Variants in PHF8 observed in about 807,000 individuals in gnomAD.
The protein encoded by PHF8 is histone lysine demethylase PHF8.
In PHF8, 9 loss-of-function variants were observed where a neutral mutation model predicts 74.4. That is an observed-to-expected ratio of 0.12 (90% CI 0.07 to 0.21). The LOEUF (loss-of-function observed/expected upper bound fraction) is 0.21, where lower values mean the gene tolerates loss of function less well. Among genes scored for constraint, PHF8 ranks in the 10% least tolerant of loss-of-function variants. The pLI, the probability that PHF8 is intolerant of heterozygous loss-of-function variation, is 1.00. For synonymous variants in PHF8, 311 were observed against 316.6 expected, an observed-to-expected ratio of 0.98 and a Z score of 0.19; for missense variants, 478 against 816.6, an observed-to-expected ratio of 0.59 and a Z score of 5.05.
At chrX:53,961,395 TC>T (rs1486359544) in intron 19 of PHF8, among the ~76,000 whole-genome samples, 3 of 109,092 alleles carry the variant, frequency 2.7e-5, no homozygotes, top group South Asian at 8.2e-4. Flanking sequence ...TGGTGCAATC[TC>T]AGCTCACTGC....
At chrX:53,959,863 C>CAAAAA (rs782111007) in intron 19 of PHF8, among the ~76,000 whole-genome samples, 1 of 23,103 alleles carries the variant, frequency 4.3e-5, no homozygotes, top group Non-Finnish European at 7.7e-5. Flanking sequence ...GTTTCTGCCT[C>CAAAAA]AAAAAAAAAA....
rs1254114101 is a variant in PHF8, at chrX:53,991,178, A to T, written c.1730+1558T>A. On this transcript the variant is annotated intron_variant, in intron 14 of 21. Transcript: ENST00000338154. ...CGGACTGCCTGATTCCCAAGTCCAT[A>T]ATTTTGTTGTAAACAGCTTTTATTT... 2.7e-5 allele frequency among the ~76,000 whole-genome samples: 3 copies of T among 112,085 alleles called. No individual in the cohort carries two copies. In the Admixed American group the frequency reaches 2.8e-4, roughly 11 times the overall value.
chrX:54,043,729 G>C (rs1254321920), intron 1 of PHF8, 33 bp downstream of exon 1: 1 of 539,279 alleles, frequency 1.9e-6, no homozygotes. Context: ...TCCTAAAACT[G>C]ACAGTAATAG....
At position 53,937,003 on chromosome X, in the gene PHF8, G is replaced by T. The variant is rs1346056729; in HGVS notation, c.*2155C>A. 1.8e-5 allele frequency: 2 copies of T among 110,442 alleles called. No homozygotes were observed. Among genetic ancestry groups the T allele is most frequent in the African/African-American group, 6.6e-5 (2 of 30,190 alleles). 9.1% of individuals were successfully genotyped at this position (110,442 alleles called of 1,213,427 possible). A position where few individuals can be genotyped will look rare whatever the true frequency, so the allele number is the denominator to read the frequency against. On this transcript the variant is annotated 3_prime_UTR_variant, in exon 22 of 22. Coordinates refer to ENST00000338154, the MANE Select transcript of PHF8 (RefSeq NM_015107.3). ...CCCCAGCTAGGGACTGGAGATCAGG[G>T]GTAACTATCTCATGGTGTTCTAAAC...
chrX:53,941,945 C>G (rs932616021), intron 20 of PHF8, among the ~76,000 whole-genome samples: 2 of 111,693 alleles, frequency 1.8e-5, no homozygotes, highest in African/African-American at 6.5e-5. Flanking sequence ...AACTGCTATT[C>G]TAACCATACC....
chrX:53,945,568 G>A (rs2064822450), intron 19 of PHF8, among the ~76,000 whole-genome samples: 1 of 110,433 alleles, frequency 9.1e-6, no homozygotes, highest in Non-Finnish European at 1.9e-5. Context: ...TCCCTGAACT[G>A]GCATTTAAGT....
rs782395103 is a variant in PHF8, at chrX:54,041,299, G to A, written c.98+1332C>T. On this transcript the variant is annotated intron_variant, in intron 2 of 21. Transcript: ENST00000338154. Reference sequence around the variant, plus strand: ...CTCGGGAGGCTGAGGCACGAGAATCGCTTGAACCCGGGAGGCAGAGGTTGC... The same window carrying A: ...CTCGGGAGGCTGAGGCACGAGAATCACTTGAACCCGGGAGGCAGAGGTTGC... Among the ~76,000 whole-genome samples, 6 of 108,200 alleles carry A rather than the reference G, an allele frequency of 5.5e-5. No homozygotes were observed. In the South Asian group the frequency reaches 1.6e-3, roughly 29 times the overall value. 94.0% of individuals were successfully genotyped at this position (108,200 alleles called of 115,157 possible).
intron 8 of PHF8, among the ~76,000 whole-genome samples, chrX:54,006,939 C>CAAAA (rs1219211822): frequency 7.2e-5 from 2 of 27,764 alleles, no homozygotes; most frequent in Admixed American, 9.1e-4. Context: ...AACTTCATCT[C>CAAAA]AAAAAAAAAA....
rs2064693186 is a variant in PHF8, at chrX:53,938,050, G to A, written c.*1108C>T. 1.7e-6 allele frequency: 2 copies of A among 1,164,804 alleles called. No homozygotes were observed. The highest frequency in any genetic ancestry group is 2.3e-6 in the Non-Finnish European group (2 of 871,767). ...CCTGTCTGCATTCTGCTTGAACGAT[G>A]ACCTGTCGTCTGGAAGTGCAAAGGC... On this transcript the variant is annotated 3_prime_UTR_variant, in exon 22 of 22. Transcript: ENST00000338154.
chrX:54,006,765 G>A (rs782361546), intron 8 of PHF8, among the ~76,000 whole-genome samples: 2 of 109,355 alleles, frequency 1.8e-5, no homozygotes, highest in South Asian at 3.9e-4. Context: ...GTGAAACCCC[G>A]TCTCTACTGC....
At chrX:54,029,678 A>G (rs781883158) in intron 2 of PHF8, among the ~76,000 whole-genome samples, 13 of 111,810 alleles carry the variant, frequency 1.2e-4, no homozygotes, top group Admixed American at 1.9e-4. Flanking sequence ...CACAGGGTAC[A>G]TGAACCCAAC....
chrX:53,949,933 T>C (rs2064897819), intron 19 of PHF8, among the ~76,000 whole-genome samples: 2 of 110,695 alleles, frequency 1.8e-5, no homozygotes, highest in Non-Finnish European at 3.8e-5. Context: ...GATGAGATGT[T>C]ATGATGGGCG....
chrX:54,045,428 T>TG (rs2066626110), upstream of PHF8, among the ~76,000 whole-genome samples: 1 of 111,960 alleles, frequency 8.9e-6, no homozygotes, highest in African/African-American at 3.3e-5. Flanking sequence ...TACTAACCAG[T>TG]GATGGTGGGG....
intron 14 of PHF8, among the ~76,000 whole-genome samples, chrX:53,989,951 T>C (rs184907269): frequency 1.0e-3 from 113 of 111,727 alleles, no homozygotes; most frequent in Non-Finnish European, 1.9e-3. Flanking sequence ...AAATAGTGTA[T>C]ATAAACAGCT....
chrX:53,959,010 T>C (rs782566338), intron 19 of PHF8, among the ~76,000 whole-genome samples: 1 of 110,955 alleles, frequency 9.0e-6, no homozygotes, highest in African/African-American at 3.3e-5. Flanking sequence ...AAATAGCCTA[T>C]ATGTTAGAAA....
At chrX:53,941,236 G>C (rs1225023157) in intron 20 of PHF8, among the ~76,000 whole-genome samples, 1 of 112,472 alleles carries the variant, frequency 8.9e-6, no homozygotes, top group Non-Finnish European at 1.9e-5. Flanking sequence ...TAGGATTTTT[G>C]AAAAGATTAA....
intron 18 of PHF8, among the ~76,000 whole-genome samples, chrX:53,966,946 C>A (rs369328075): frequency 2.0e-5 from 2 of 102,545 alleles, no homozygotes; most frequent in African/African-American, 7.7e-5. Flanking sequence ...AGGTGAGGAG[C>A]GTCTCTGCCC....
At chrX:53,948,987 T>C (rs2064876126) in intron 19 of PHF8, among the ~76,000 whole-genome samples, 1 of 109,309 alleles carries the variant, frequency 9.1e-6, no homozygotes, top group South Asian at 4.0e-4. Context: ...ATCGTGCCAT[T>C]GCACTCCCGC....
chrX:54,009,844 G>GAAAAAAAAAAAAA (rs782363250), intron 8 of PHF8, among the ~76,000 whole-genome samples: 1 of 9,383 alleles, frequency 1.1e-4, no homozygotes, highest in African/African-American at 1.6e-4. Context: ...CTCTGTCTCA[G>GAAAAAAAAAAAAA]AAAAAAAAAA....
Sources: gnomAD v4.1 joint callset for allele counts (sites outside exome capture counted in the v4.1 genomes callset) on GRCh38, gnomAD v4.1.1 for gene constraint, MANE v1.5 for transcripts, NCBI Gene and HGNC (gene_info 2026-07-23, HGNC 2026-07-21) for gene names.